LMLN: variants seen among roughly 807,000 people sequenced by gnomAD.
LMLN encodes leishmanolysin-like peptidase.
In LMLN, 70 loss-of-function variants were observed where a neutral mutation model predicts 92.3. The ratio of observed to expected loss-of-function variants is 0.76; its 90% CI spans 0.63 to 0.92. LMLN has a LOEUF of 0.92. LMLN is among the 40% of genes least tolerant of loss of function. The pLI is 0.00. For missense variants in LMLN, 691 were observed against 814.6 expected, an observed-to-expected ratio of 0.85 and a Z score of 1.85; for synonymous variants, 308 against 296.2, an observed-to-expected ratio of 1.04 and a Z score of -0.41.
At position 198,005,854 on chromosome 3, in the gene LMLN, C is replaced by G. The variant is rs376158687; in HGVS notation, c.1232+6512C>G. ...TTTCCTTGTTGGCCAGGCTGGCTCA[C>G]ACCTGTAATCCCAGCACTTTGGGAG... On this transcript the variant is annotated intron_variant, in intron 11 of 15. Transcript: ENST00000330198. 6.2e-4 allele frequency among the ~76,000 whole-genome samples: 95 copies of G among 152,218 alleles called. No homozygotes were observed. In the South Asian group the frequency reaches 0.01, roughly 17 times the overall value.
chr3:198,010,440 C>T (rs1223222745), intron 11 of LMLN, among the ~76,000 whole-genome samples: 1 of 150,946 alleles, frequency 6.6e-6, no homozygotes, highest in Non-Finnish European at 1.5e-5. Context: ...TGAGTCACCA[C>T]GCCCAGCGTT....
intron 11 of LMLN, among the ~76,000 whole-genome samples, chr3:198,016,910 C>T (rs556354045): frequency 2.9e-4 from 44 of 152,252 alleles, no homozygotes; most frequent in East Asian, 1.9e-4. Context: ...TACTTTTATA[C>T]AGCAAGAGGC....
At position 198,042,879 on chromosome 3, in the gene LMLN, T is replaced by C. The variant is rs1233298091; in HGVS notation, c.*4212T>C. 1 of 152,226 alleles carries C rather than the reference T, an allele frequency of 6.6e-6. No homozygotes were observed. The highest frequency in any genetic ancestry group is 1.9e-4 in the East Asian group (1 of 5,200). The allele number at this position is 152,226 out of a possible 1,614,324, so 9.4% of individuals were successfully genotyped here. A position where few individuals can be genotyped will look rare whatever the true frequency, so the allele number is the denominator to read the frequency against. On this transcript the variant is annotated 3_prime_UTR_variant, in exon 16 of 16. Coordinates refer to ENST00000330198, the Ensembl canonical transcript of LMLN. The surrounding 1 kb of genome is among the most constrained non-coding windows in gnomAD (Gnocchi z 4.2). ...GGCAAACAGGTAGGTTGTCCTCATA[T>C]AGATCCTTCCAGTATTCTGAAAAAC...
intron 3 of LMLN, among the ~76,000 whole-genome samples, chr3:197,975,471 A>G (rs1486161703): frequency 6.6e-6 from 1 of 152,190 alleles, no homozygotes; most frequent in African/African-American, 2.4e-5. Context: ...GTGTGGAGAC[A>G]CACACACATG....
At position 197,974,362 on chromosome 3, in the gene LMLN, C is replaced by T. The variant is rs367760104; in HGVS notation, c.220-15C>T. On this transcript the variant is annotated splice_polypyrimidine_tract_variant and intron_variant, in intron 1 of 15. Transcript: ENST00000330198. Reference sequence around the variant, plus strand: ...GTATGTCTTAAACAGTTTTCAAATCCGTTCCTTTTTTCAGGTCATAAATAA... The same window carrying T: ...GTATGTCTTAAACAGTTTTCAAATCTGTTCCTTTTTTCAGGTCATAAATAA... 1.1e-5 allele frequency: 15 copies of T among 1,393,968 alleles called. No homozygotes were observed. Among genetic ancestry groups the T allele is most frequent in the East Asian group, 2.3e-5 (1 of 43,290 alleles). 86.3% of individuals were successfully genotyped at this position (1,393,968 alleles called of 1,614,324 possible).
In LMLN at chr3:197,990,793, A is replaced by G. The variant is rs564555852; in HGVS notation, c.1047+117A>G. 2.8e-5 allele frequency: 16 copies of G among 565,460 alleles called. No individual in the cohort carries two copies. In the South Asian group the frequency reaches 4.0e-4, roughly 14 times the overall value. 35.0% of individuals were successfully genotyped at this position (565,460 alleles called of 1,614,324 possible). A position where few individuals can be genotyped will look rare whatever the true frequency, so the allele number is the denominator to read the frequency against. On this transcript the variant is annotated intron_variant, in intron 9 of 15. Transcript: ENST00000330198. ...TATAATTAGAGCCTATAGTAGGAAA[A>G]GTCATATAAAGGGAATGCAATGAAG...
At chr3:197,963,150 C>G (rs1159198087) in intron 1 of LMLN, among the ~76,000 whole-genome samples, 14 of 151,560 alleles carry the variant, frequency 9.2e-5, no homozygotes, top group Non-Finnish European at 1.3e-4. Context: ...TAATTTTTCT[C>G]AGCAAAAATG....
At chr3:197,979,607 G>A (rs1721500031) in intron 5 of LMLN, among the ~76,000 whole-genome samples, 1 of 152,132 alleles carries the variant, frequency 6.6e-6, no homozygotes, top group South Asian at 2.1e-4. Flanking sequence ...CACAAGTTCA[G>A]GAGTTCGAGA....
chr3:198,024,495 G>T (rs1212166189), intron 13 of LMLN, among the ~76,000 whole-genome samples, 163 bp from the exon 15 acceptor site: 3 of 152,128 alleles, frequency 2.0e-5, no homozygotes, highest in Non-Finnish European at 4.4e-5. Context: ...GATTACAGGC[G>T]TGAGCCACCG....
intron 1 of LMLN, among the ~76,000 whole-genome samples, chr3:197,969,882 G>T (rs1721175524): frequency 6.6e-6 from 1 of 152,160 alleles, no homozygotes; most frequent in Non-Finnish European, 1.5e-5. Flanking sequence ...AGTGGCTCAT[G>T]CTTGTAATCC....
chr3:198,011,038 T>TTCAA (rs1722418817), intron 11 of LMLN, among the ~76,000 whole-genome samples: 1 of 152,214 alleles, frequency 6.6e-6, no homozygotes, highest in Admixed American at 6.5e-5. Flanking sequence ...TTGGAGAATA[T>TTCAA]ATGCTGTATG....
intron 8 of LMLN, among the ~76,000 whole-genome samples, chr3:197,987,199 G>A (rs552191492): frequency 4.4e-5 from 6 of 135,992 alleles, no homozygotes; most frequent in African/African-American, 1.1e-4. Context: ...TCGCTCTGTC[G>A]CCCAGGCTGG....
intron 9 of LMLN, among the ~76,000 whole-genome samples, chr3:197,993,725 GA>G (rs1157809065): frequency 6.6e-6 from 1 of 151,140 alleles, no homozygotes; most frequent in East Asian, 1.9e-4. Context: ...CACAGAAGTA[GA>G]AAAAAAATCC....
chr3:197,976,818 T>G (rs1165505309), intron 5 of LMLN, 103 bp downstream of exon 5: 3 of 514,916 alleles, frequency 5.8e-6, no homozygotes, highest in Non-Finnish European at 1.0e-5. Context: ...CTTAGTAGCT[T>G]CCTTGGTCTA....
At chr3:197,980,328 A>G in exon 6 of LMLN, 1 of 1,612,910 alleles carries the variant, frequency 6.2e-7, no homozygotes, top group Non-Finnish European at 8.5e-7. Flanking sequence ...GGGTGCAGCA[A>G]TGCCGGGTCT....
intron 9 of LMLN, chr3:197,994,724 GAAAC>G (rs920360290): frequency 3.3e-5 from 5 of 152,058 alleles, no homozygotes; most frequent in African/African-American, 1.2e-4. Flanking sequence ...GAAAAGAAAA[GAAAC>G]AAAAGATAAG....
At chr3:198,036,384 T>C (rs1442096607) in intron 15 of LMLN, among the ~76,000 whole-genome samples, 3 of 152,104 alleles carry the variant, frequency 2.0e-5, no homozygotes, top group Non-Finnish European at 4.4e-5. Flanking sequence ...CAAAAAGTAA[T>C]TAAATATATT....
At chr3:197,991,261 G>A (rs1287988808) in intron 9 of LMLN, among the ~76,000 whole-genome samples, 2 of 151,806 alleles carry the variant, frequency 1.3e-5, no homozygotes, top group African/African-American at 4.8e-5. Context: ...GCACCACCAC[G>A]CCCAGCTAAT....
intron 11 of LMLN, among the ~76,000 whole-genome samples, chr3:198,013,552 C>T (rs1187562833): frequency 1.5e-5 from 2 of 129,160 alleles, no homozygotes; most frequent in South Asian, 4.7e-4. Context: ...TCAAAGCCTC[C>T]TAACTAGTCT....
Sources: gnomAD v4.1 joint callset for allele counts (sites outside exome capture counted in the v4.1 genomes callset) on GRCh38, gnomAD v4.1.1 for gene constraint, Gnocchi (gnomAD v3.1) non-coding constraint, MANE v1.5 for transcripts, NCBI Gene and HGNC (gene_info 2026-07-23, HGNC 2026-07-21) for gene names.